The following FMN1 variants were observed in gnomAD, a reference collection of about 807,000 sequenced individuals.
The protein encoded by FMN1 is formin 1.
Under a neutral mutation model 132.4 loss-of-function variants are expected in FMN1, and 110 were observed. The ratio of observed to expected loss-of-function variants is 0.83; its 90% CI spans 0.71 to 0.97. The LOEUF (loss-of-function observed/expected upper bound fraction) is 0.97, where lower values mean the gene tolerates loss of function less well. Among genes scored for constraint, FMN1 ranks in the 50% least tolerant of loss-of-function variants. The pLI, the probability that FMN1 is intolerant of heterozygous loss-of-function variation, is 0.00. For missense variants in FMN1, 1,792 were observed against 1,705.3 expected (o/e 1.05, Z -0.90); for synonymous variants, 722 against 651.7 (o/e 1.11, Z -1.64).
intron 3 of FMN1, among the ~76,000 whole-genome samples, chr15:33,164,630 A>G (rs1348035444): frequency 6.6e-6 from 1 of 152,210 alleles, no homozygotes; most frequent in Non-Finnish European, 1.5e-5. Context: ...TTAATTACAT[A>G]AAGAAAAATG....
intron 18 of FMN1, among the ~76,000 whole-genome samples, chr15:32,803,187 C>G (rs1179980432): frequency 6.6e-6 from 1 of 152,150 alleles, no homozygotes; most frequent in Non-Finnish European, 1.5e-5. Flanking sequence ...GGTAACTGTT[C>G]CTCTCACACA....
At chr15:32,855,157 TAAAAAAAAAAAA>T (rs750275479) in intron 17 of FMN1, among the ~76,000 whole-genome samples, 74 of 85,546 alleles carry the variant, frequency 8.7e-4, no homozygotes, top group Non-Finnish European at 1.0e-4. Context: ...ACGTGGAGAG[TAAAAAAAAAAAA>T]AAAAAAAAAA....
rs753892267 is a variant in FMN1, at chr15:32,964,207, C to T, written c.3038G>A (p.Arg1013Gln). 150 of 1,611,920 alleles carry T rather than the reference C, an allele frequency of 9.3e-5. No individual in the cohort carries two copies. Among genetic ancestry groups the T allele is most frequent in the Non-Finnish European group, 1.2e-4 (136 of 1,178,724 alleles). ...TAAATACTCAAATTCACTGGGGTCC[C>T]GAATGTCAGGTTCTTCTAAGGAGTC... is the stretch of plus-strand genomic sequence containing the variant. Reference protein sequence around the residue: ...LWDSLEEPDIRDPSEFEYLFS... With the variant: ...LWDSLEEPDIQDPSEFEYLFS... Residue 1013 changes from arginine (R) to glutamine (Q), a missense_variant, in exon 9 of 21, where the codon CGG becomes CAG. Coordinates refer to ENST00000616417, the MANE Select transcript of FMN1 (RefSeq NM_001277313.2).
At chr15:32,841,538 A>G (rs191513028) in intron 17 of FMN1, among the ~76,000 whole-genome samples, 2 of 152,322 alleles carry the variant, frequency 1.3e-5, no homozygotes, top group East Asian at 3.9e-4. Context: ...ACTCCATCTC[A>G]GAAGAAGCGG....
In FMN1 at chr15:32,845,664, C is replaced by T. The variant is rs150349126; in HGVS notation, c.3928+11351G>A. On this transcript the variant is annotated intron_variant, in intron 17 of 20. Coordinates refer to ENST00000616417, the MANE Select transcript of FMN1 (RefSeq NM_001277313.2). ...AGTTAGGAATGAAAAAAATCAGTTTCAAAGGATTGCTGCAAAATTAAATGA... is the reference window on the plus strand; with the variant it reads ...AGTTAGGAATGAAAAAAATCAGTTTTAAAGGATTGCTGCAAAATTAAATGA... 1.6e-3 allele frequency among the ~76,000 whole-genome samples: 249 copies of T among 152,216 alleles called. 2 individuals carry two copies. The highest frequency in any genetic ancestry group is 5.7e-3 in the African/African-American group (235 of 41,554).
At chr15:32,981,139 A>C (rs1372379830) in intron 7 of FMN1, among the ~76,000 whole-genome samples, 2 of 152,224 alleles carry the variant, frequency 1.3e-5, no homozygotes, top group Non-Finnish European at 2.9e-5. Context: ...TTCCATTTGT[A>C]ACTATTTTGT....
intron 16 of FMN1, among the ~76,000 whole-genome samples, chr15:32,861,554 T>C (rs372864584): frequency 2.0e-5 from 3 of 152,208 alleles, no homozygotes; most frequent in Non-Finnish European, 2.9e-5. Flanking sequence ...AATACATACA[T>C]AGTGATTTGC....
At chr15:33,082,145 C>T (rs953072845) in intron 5 of FMN1, among the ~76,000 whole-genome samples, 3 of 148,824 alleles carry the variant, frequency 2.0e-5, no homozygotes, top group Non-Finnish European at 4.4e-5. Flanking sequence ...GACAGAGTCT[C>T]GCTCTGTCAC....
chr15:33,099,032 T>C lies in FMN1; in HGVS notation c.1868-10058A>G, dbSNP rs576862583. On this transcript the variant is annotated intron_variant, in intron 4 of 20. Transcript: ENST00000616417. ...CTGTAATCCTAACACTTTGGGAAGCTGAGGCTGGTGGACTGCTTGAGCCCA... is the reference window on the plus strand; with the variant it reads ...CTGTAATCCTAACACTTTGGGAAGCCGAGGCTGGTGGACTGCTTGAGCCCA... Among the ~76,000 whole-genome samples, 6 of 152,270 alleles carry C rather than the reference T, an allele frequency of 3.9e-5. No individual in the cohort carries two copies. In the East Asian group the frequency reaches 1.2e-3, roughly 29 times the overall value.
intron 7 of FMN1, among the ~76,000 whole-genome samples, chr15:32,971,644 T>G (rs1328038122): frequency 1.3e-5 from 2 of 152,214 alleles, no homozygotes; most frequent in Non-Finnish European, 2.9e-5. Flanking sequence ...GCTGTTATTC[T>G]CAACTAAACC....
At chr15:32,950,050 T>TATACAC (rs1314321286) in intron 9 of FMN1, among the ~76,000 whole-genome samples, 1 of 3,942 alleles carries the variant, frequency 2.5e-4, no homozygotes, top group African/African-American at 5.3e-4. Flanking sequence ...TATATATATA[T>TATACAC]ACACATATAT....
chr15:32,888,395 G>T, intron 15 of FMN1, 103 bp from the exon 16 acceptor site: 1 of 1,052,984 alleles, frequency 9.5e-7, no homozygotes. Flanking sequence ...TTTATTGGAT[G>T]TCTGAGTAAG....
Position 33,050,061 on chromosome 15 carries a change from A to G in FMN1, c.2161+14896T>C, listed in dbSNP as rs541281856. Among the ~76,000 whole-genome samples the G allele has an allele frequency of 2.0e-5, 3 of 152,356 alleles. No individual in the cohort carries two copies. The South Asian group carries it at 6.2e-4, about 32-fold the overall frequency. Reference sequence around the variant, plus strand: ...TATATTAGATATTCAACACTTTATTACAAAATAGGCTTTGTGTTCAATGAT... The same window carrying G: ...TATATTAGATATTCAACACTTTATTGCAAAATAGGCTTTGTGTTCAATGAT... On this transcript the variant is annotated intron_variant, in intron 6 of 20. Transcript: ENST00000616417.
At chr15:33,103,716 A>G (rs345781) in intron 4 of FMN1, among the ~76,000 whole-genome samples, 54,996 of 151,978 alleles carry the variant, frequency 0.36, 11,625 homozygotes, top group East Asian at 0.68. Context: ...AAGAGTATTT[A>G]AGGTGCCAGG....
intron 7 of FMN1, among the ~76,000 whole-genome samples, chr15:33,006,300 A>G (rs2034411304): frequency 1.3e-5 from 2 of 152,188 alleles, no homozygotes; most frequent in Non-Finnish European, 1.5e-5. Flanking sequence ...ATGCTCCAAC[A>G]TCACTAATCA....
intron 4 of FMN1, among the ~76,000 whole-genome samples, chr15:33,115,963 G>C (rs1190105054): frequency 6.6e-6 from 1 of 152,108 alleles, no homozygotes; most frequent in Non-Finnish European, 1.5e-5. Flanking sequence ...TGCAATAATA[G>C]TAAGTTTCTC....
rs1448996512 is a variant in FMN1 at position 32,772,524 on chromosome 15, A to T, written c.*1786T>A. On this transcript the variant is annotated 3_prime_UTR_variant, in exon 21 of 21. Transcript: ENST00000616417. ...AAAATGAAGAGAAACTATGTAAGAA[A>T]GCAGCATAAAAAGCTTCTTGCTCAC... 8 of 152,262 alleles carry T rather than the reference A, an allele frequency of 5.3e-5. No individual in the cohort carries two copies. 9.4% of individuals were successfully genotyped at this position (152,262 alleles called of 1,614,324 possible). A position where few individuals can be genotyped will look rare whatever the true frequency, so the allele number is the denominator to read the frequency against.
chr15:33,013,192 A>C (rs1356931746), intron 6 of FMN1: 5 of 331,070 alleles, frequency 1.5e-5, no homozygotes, highest in Non-Finnish European at 2.9e-5. Flanking sequence ...AGCTGCTACA[A>C]AGAAGACATG....
intron 10 of FMN1, among the ~76,000 whole-genome samples, chr15:32,921,584 C>T (rs1304012197): frequency 6.6e-6 from 1 of 152,126 alleles, no homozygotes; most frequent in African/African-American, 2.4e-5. Flanking sequence ...TCATGATCTT[C>T]CTGGTCTGGA....
Sources: gnomAD v4.1 joint callset for allele counts (sites outside exome capture counted in the v4.1 genomes callset) on GRCh38, gnomAD v4.1.1 for gene constraint, MANE v1.5 for transcripts, NCBI Gene and HGNC (gene_info 2026-07-23, HGNC 2026-07-21) for gene names.